The following WARS2 variants were observed in gnomAD, a reference collection of about 807,000 sequenced individuals.
WARS2 encodes tryptophan--tRNA ligase, mitochondrial.
WARS2 carries 28 observed loss-of-function variants against 36.5 expected under a neutral mutation model. That is an observed-to-expected ratio of 0.77 (90% CI 0.57 to 1.05). The LOEUF is 1.05. Ranked by LOEUF, WARS2 falls within the 50% of genes least tolerant of loss-of-function variation. The pLI, the probability that WARS2 is intolerant of heterozygous loss-of-function variation, is 0.00. For missense variants in WARS2, 435 were observed against 456.8 expected (o/e 0.95, Z 0.44); for synonymous variants, 174 against 178.4 (o/e 0.98, Z 0.20).
chr1:119,114,820 C>G (rs1654862962), intron 1 of WARS2, among the ~76,000 whole-genome samples: 1 of 152,100 alleles, frequency 6.6e-6, no homozygotes, highest in Admixed American at 6.6e-5. Context: ...TAAACCAAAG[C>G]CTGTTTTATC....
chr1:119,042,481 G>A (rs904859781), intron 3 of WARS2, 132 bp from the exon 4 acceptor site: 6 of 738,350 alleles, frequency 8.1e-6, no homozygotes, highest in South Asian at 3.5e-5. Context: ...ATTATACATC[G>A]GTTCCTTTTT....
In WARS2 at chr1:119,139,586, G is replaced by T. The variant is rs1408731405; in HGVS notation, c.90+969C>A. 2.0e-5 allele frequency: 3 copies of T among 152,298 alleles called. No homozygotes were observed. The East Asian group carries it at 5.8e-4, about 29-fold the overall frequency. The allele number at this position is 152,298 out of a possible 1,614,324, so 9.4% of individuals were successfully genotyped here. A position where few individuals can be genotyped will look rare whatever the true frequency, so the allele number is the denominator to read the frequency against. ...CTGTCAAGTGGCAGACCAAACCCTTGACCTCTAGGCTACCTTCCTGTCTAG... is the reference window on the plus strand; with the variant it reads ...CTGTCAAGTGGCAGACCAAACCCTTTACCTCTAGGCTACCTTCCTGTCTAG... On this transcript the variant is annotated intron_variant, in intron 1 of 5. Transcript: ENST00000235521.
At chr1:119,125,450 AT>A (rs1655589817) in intron 1 of WARS2, among the ~76,000 whole-genome samples, 1 of 152,198 alleles carries the variant, frequency 6.6e-6, no homozygotes. Flanking sequence ...AGAATTTAAG[AT>A]TTCTGCTTTG....
intron 2 of WARS2, among the ~76,000 whole-genome samples, chr1:119,053,650 A>G (rs1402184080): frequency 6.6e-6 from 1 of 152,214 alleles, no homozygotes; most frequent in African/African-American, 2.4e-5. Context: ...ACTTCTCTCC[A>G]TCAAGGGACC....
rs148196103 is a variant in WARS2, at chr1:119,093,328, T to C, written c.91-16721A>G. Among the ~76,000 whole-genome samples the C allele has an allele frequency of 8.5e-4, 129 of 151,964 alleles. 1 individual carries two copies. Among genetic ancestry groups the C allele is most frequent in the East Asian group, 7.1e-3 (37 of 5,182 alleles). On this transcript the variant is annotated intron_variant, in intron 1 of 5. Transcript: ENST00000235521. ...TTAAAGCCTAAAACATAAAAAAAAT[T>C]ACATGCCATTTTTCTAGTGTACTTC...
chr1:119,034,354 G>C, intron 4 of WARS2, 141 bp from the exon 5 acceptor site: 1 of 691,536 alleles, frequency 1.4e-6, no homozygotes. Context: ...GGAATGTTTA[G>C]ACCTAAGTCT....
At chr1:119,096,024 G>GTGTGTGTC (rs1653415316) in intron 1 of WARS2, among the ~76,000 whole-genome samples, 1 of 152,096 alleles carries the variant, frequency 6.6e-6, no homozygotes, top group Non-Finnish European at 1.5e-5. Context: ...CACTTGCTCT[G>GTGTGTGTC]TGTGTGTCTA....
intron 1 of WARS2, among the ~76,000 whole-genome samples, chr1:119,084,433 T>C (rs185585225): frequency 2.0e-5 from 3 of 152,344 alleles, no homozygotes; most frequent in East Asian, 3.9e-4. Flanking sequence ...GTTAACTTTA[T>C]GTTATGTGAA....
chr1:119,053,418 A>G (rs1649529499), intron 2 of WARS2, among the ~76,000 whole-genome samples: 1 of 152,180 alleles, frequency 6.6e-6, no homozygotes, highest in Non-Finnish European at 1.5e-5. Flanking sequence ...AATAACTGGG[A>G]ACAATAATAA....
intron 3 of WARS2, among the ~76,000 whole-genome samples, chr1:119,044,064 G>A (rs1325940): frequency 0.29 from 43,533 of 152,014 alleles, 6,756 homozygotes; most frequent in African/African-American, 0.4. Context: ...TAAGTCTCAC[G>A]AAGGGGGTTA....
intron 1 of WARS2, among the ~76,000 whole-genome samples, chr1:119,138,998 T>TC (rs939883074): frequency 5.9e-5 from 9 of 152,304 alleles, no homozygotes; most frequent in South Asian, 4.1e-4. Flanking sequence ...TGTCTTTTTT[T>TC]TCTCTCTCTC....
At chr1:119,096,529 T>C (rs182872378) in intron 1 of WARS2, among the ~76,000 whole-genome samples, 1 of 152,298 alleles carries the variant, frequency 6.6e-6, no homozygotes, top group East Asian at 1.9e-4. Context: ...CAATAAATTA[T>C]AATTTTTCAA....
chr1:119,113,465 G>C (rs587697574), intron 1 of WARS2, among the ~76,000 whole-genome samples: 14 of 152,246 alleles, frequency 9.2e-5, no homozygotes, highest in African/African-American at 3.4e-4. Context: ...TCACCCCAAA[G>C]CTCACTCAGA....
At chr1:119,110,085 A>G (rs1017959650) in intron 1 of WARS2, among the ~76,000 whole-genome samples, 5 of 152,008 alleles carry the variant, frequency 3.3e-5, no homozygotes, top group African/African-American at 1.2e-4. Flanking sequence ...ATATATAAGC[A>G]TAAATAAGCA....
At chr1:119,125,877 A>T (rs1303654337) in intron 1 of WARS2, among the ~76,000 whole-genome samples, 1 of 152,160 alleles carries the variant, frequency 6.6e-6, no homozygotes. Context: ...GGATCTCCTC[A>T]ACCTCAATCC....
chr1:119,098,304 A>G (rs1256732372), intron 1 of WARS2, among the ~76,000 whole-genome samples: 1 of 152,186 alleles, frequency 6.6e-6, no homozygotes, highest in Non-Finnish European at 1.5e-5. Flanking sequence ...AAATACTCTT[A>G]GAATAATAAG....
intron 4 of WARS2, 29 bp from the exon 5 acceptor site, chr1:119,034,242 C>G: frequency 1.9e-6 from 3 of 1,562,668 alleles, no homozygotes; most frequent in Non-Finnish European, 2.6e-6. Context: ...AGAAAAACAA[C>G]AGCAAGGCTC....
At chr1:119,067,577 C>T (rs1339112904) in intron 2 of WARS2, among the ~76,000 whole-genome samples, 3 of 152,202 alleles carry the variant, frequency 2.0e-5, no homozygotes, top group Non-Finnish European at 4.4e-5. Context: ...TCCCACTCTA[C>T]CCTTATATAA....
chr1:119,051,574 C>G (rs1166196203), intron 2 of WARS2, among the ~76,000 whole-genome samples: 2 of 151,966 alleles, frequency 1.3e-5, no homozygotes, highest in Non-Finnish European at 2.9e-5. Flanking sequence ...ATTACTGGGT[C>G]GAATGGTAGT....
Sources: allele counts gnomAD v4.1 joint callset (sites outside exome capture counted in the v4.1 genomes callset), GRCh38; gene constraint gnomAD v4.1.1; transcripts MANE v1.5; gene names NCBI Gene and HGNC (gene_info 2026-07-23, HGNC 2026-07-21).